USH2A: variants seen among roughly 807,000 people sequenced by gnomAD.
The protein encoded by USH2A is usherin.
Under a neutral mutation model 538.9 loss-of-function variants are expected in USH2A, and 443 were observed. The ratio of observed to expected loss-of-function variants is 0.82; its 90% CI spans 0.76 to 0.89. The LOEUF (loss-of-function observed/expected upper bound fraction) is 0.89. Ranked by LOEUF, USH2A falls within the 40% of genes least tolerant of loss-of-function variation. The pLI is 0.00. For missense variants in USH2A, 6,633 were observed against 6,324.8 expected (o/e 1.05, Z -1.65); for synonymous variants, 2,413 against 2,273.5 (o/e 1.06, Z -1.75).
At chr1:215,951,054 C>T (rs994679021) in intron 37 of USH2A, among the ~76,000 whole-genome samples, 4,841 of 152,052 alleles carry the variant, frequency 0.032, 116 homozygotes, top group South Asian at 0.083. Context: ...TCTATGTCTT[C>T]CGGTTCTACT....
intron 37 of USH2A, among the ~76,000 whole-genome samples, chr1:215,955,537 T>C (rs751207623): frequency 1.8e-4 from 27 of 152,360 alleles, no homozygotes; most frequent in Non-Finnish European, 3.8e-4. Flanking sequence ...AATTTAATTC[T>C]ATGATTTTTG....
chr1:215,821,838 C>T lies in USH2A; in HGVS notation c.9372-4643G>A, dbSNP rs142129194. 3.6e-3 allele frequency among the ~76,000 whole-genome samples: 543 copies of T among 151,918 alleles called. 2 individuals are homozygous for T. The highest frequency in any genetic ancestry group is 0.012 in the African/African-American group (514 of 41,518). ...TTCTGTCTCTTCTATCATTCTTCTG[C>T]ATATGGATATCTAGTTTTCCCAGTG... On this transcript the variant is annotated intron_variant, in intron 47 of 71. Coordinates refer to ENST00000307340, the MANE Select transcript of USH2A (RefSeq NM_206933.4).
chr1:215,723,521 C>G (rs1659722501), intron 61 of USH2A, among the ~76,000 whole-genome samples: 1 of 152,144 alleles, frequency 6.6e-6, no homozygotes, highest in Admixed American at 6.5e-5. Context: ...ATTGATGGCC[C>G]CTTGGGCAGA....
At chr1:216,366,860 A>AT (rs903922359) in intron 3 of USH2A, among the ~76,000 whole-genome samples, 12 of 151,666 alleles carry the variant, frequency 7.9e-5, no homozygotes, top group Non-Finnish European at 1.2e-4. Flanking sequence ...GTAGGGCTGC[A>AT]TTTTTTTTGC....
intron 13 of USH2A, among the ~76,000 whole-genome samples, chr1:216,239,075 A>C (rs928795531): frequency 2.0e-5 from 3 of 151,478 alleles, no homozygotes; most frequent in African/African-American, 7.3e-5. Context: ...TTTCAATGCA[A>C]GTTTTACTGT....
intron 11 of USH2A, among the ~76,000 whole-genome samples, chr1:216,281,829 A>G (rs1351900600): frequency 7.1e-6 from 1 of 140,974 alleles, no homozygotes; most frequent in Non-Finnish European, 1.5e-5. Context: ...GAAGACTCCA[A>G]TTTCTCCACA....
chr1:215,701,911 T>G (rs964351140), intron 61 of USH2A, among the ~76,000 whole-genome samples: 5 of 152,260 alleles, frequency 3.3e-5, no homozygotes, highest in Admixed American at 6.5e-5. Flanking sequence ...CTTGATAGTG[T>G]TGATCGTCTT....
chr1:216,142,146 A>G (rs1263722903), intron 21 of USH2A, among the ~76,000 whole-genome samples: 11 of 152,218 alleles, frequency 7.2e-5, no homozygotes, highest in Non-Finnish European at 7.3e-5. Flanking sequence ...AGAAGAAACC[A>G]GAAGATATTA....
rs569614303 is a variant in USH2A at position 216,342,965 on chromosome 1, G to A, written c.785-15311C>T. On this transcript the variant is annotated intron_variant, in intron 4 of 71. Coordinates refer to ENST00000307340, the MANE Select transcript of USH2A (RefSeq NM_206933.4). The stretch of plus-strand genomic sequence containing the variant: ...ATATACCTATGTAACAAACTTTCAC[G>A]TTATGCACAAGTATCCCAGAACTTA... 2.0e-3 allele frequency among the ~76,000 whole-genome samples: 299 copies of A among 151,976 alleles called. 2 individuals carry two copies. Among genetic ancestry groups the A allele is most frequent in the Non-Finnish European group, 2.9e-3 (194 of 67,946 alleles).
At chr1:216,333,748 A>G (rs1008393914) in intron 4 of USH2A, among the ~76,000 whole-genome samples, 1 of 152,100 alleles carries the variant, frequency 6.6e-6, no homozygotes, top group African/African-American at 2.4e-5. Context: ...GGGATCTTCA[A>G]TAAGATTAAC....
At chr1:215,690,583 T>C (rs1658570710) in intron 61 of USH2A, among the ~76,000 whole-genome samples, 1 of 152,092 alleles carries the variant, frequency 6.6e-6, no homozygotes. Flanking sequence ...AAACTTTCTA[T>C]CTCAAAACCC....
intron 43 of USH2A, among the ~76,000 whole-genome samples, chr1:215,876,943 G>C (rs1052010399): frequency 6.6e-6 from 1 of 152,106 alleles, no homozygotes; most frequent in African/African-American, 2.4e-5. Flanking sequence ...GCTACCCAGT[G>C]GTGGGTCTAG....
In USH2A at chr1:215,817,012, A is replaced by G. The variant is rs1662876606; in HGVS notation, c.9555T>C (p.Tyr3185=). 7 of 1,612,528 alleles carry G rather than the reference A, an allele frequency of 4.3e-6. No homozygotes were observed. The highest frequency in any genetic ancestry group is 5.9e-6 in the Non-Finnish European group (7 of 1,178,838). The change falls in exon 48 of 72, where the codon TAT becomes TAC. Residue 3185 remains tyrosine (Y), a synonymous_variant. Coordinates refer to ENST00000307340, the MANE Select transcript of USH2A (RefSeq NM_206933.4). ...AAAGACTTACCTTAGCTTCAGAAGA[A>G]TAGCAAATGTGTCCACAGATAGATT... The part of the protein sequence containing the change: ...KPESICGHIC[Y]SSEAKVCCNG...
intron 44 of USH2A, among the ~76,000 whole-genome samples, chr1:215,853,614 A>T (rs1460676616): frequency 6.6e-6 from 1 of 152,188 alleles, no homozygotes; most frequent in Non-Finnish European, 1.5e-5. Flanking sequence ...TGCTTCCCTT[A>T]TAAAACTGAA....
intron 35 of USH2A, among the ~76,000 whole-genome samples, chr1:215,991,718 G>C (rs1668008367): frequency 6.6e-6 from 1 of 152,166 alleles, no homozygotes; most frequent in Non-Finnish European, 1.5e-5. Flanking sequence ...TGTGGAAAAT[G>C]TTTCCCTGAA....
chr1:215,703,117 GT>G (rs1659081465), intron 61 of USH2A, among the ~76,000 whole-genome samples: 1 of 152,172 alleles, frequency 6.6e-6, no homozygotes. Context: ...TCCAGACCCT[GT>G]TTGCCTGGGT....
chr1:216,023,803 G>A (rs1245046825), intron 32 of USH2A, among the ~76,000 whole-genome samples: 1 of 151,986 alleles, frequency 6.6e-6, no homozygotes, highest in African/African-American at 2.4e-5. Context: ...GCTTTTATTT[G>A]TACGATGAAT....
intron 21 of USH2A, among the ~76,000 whole-genome samples, chr1:216,148,418 C>G (rs1351641369): frequency 2.0e-4 from 30 of 152,110 alleles, no homozygotes; most frequent in Admixed American, 3.3e-4. Context: ...TCCTCCTCTT[C>G]TATCCCCCCA....
intron 38 of USH2A, among the ~76,000 whole-genome samples, chr1:215,919,387 C>T (rs1427299856): frequency 6.6e-6 from 1 of 152,024 alleles, no homozygotes; most frequent in Non-Finnish European, 1.5e-5. Flanking sequence ...TGAGATAGTG[C>T]TTATTATTTA....
Sources: gnomAD v4.1 joint callset for allele counts (sites outside exome capture counted in the v4.1 genomes callset) on GRCh38, gnomAD v4.1.1 for gene constraint, MANE v1.5 for transcripts, NCBI Gene and HGNC (gene_info 2026-07-23, HGNC 2026-07-21) for gene names.